The following FSTL4 variants were observed in gnomAD, a reference collection of about 807,000 sequenced individuals.
FSTL4 encodes follistatin like 4, also known as follistatin-related protein 4.
A neutral mutation model predicts 78.2 loss-of-function variants in FSTL4; 28 were observed. That is an observed-to-expected ratio of 0.36 (90% confidence interval 0.27 to 0.49). The LOEUF is 0.49. Among genes scored for constraint, FSTL4 ranks in the 20% least tolerant of loss-of-function variants. FSTL4 has a pLI of 0.98. For synonymous variants in FSTL4, 422 were observed against 440.5 expected (o/e 0.96, Z 0.53); for missense variants, 922 against 1,084.9 (o/e 0.85, Z 2.11).
At chr5:133,676,204 T>G in the FSTL4 span, among the ~76,000 whole-genome samples, 2 of 152,238 alleles carry the variant, frequency 1.3e-5, no homozygotes, top group African/African-American at 4.8e-5. Context: ...ATCTTAAGAA[T>G]TTTTAAAAAG....
the FSTL4 span, among the ~76,000 whole-genome samples, chr5:133,749,624 C>T: frequency 6.6e-6 from 1 of 152,212 alleles, no homozygotes; most frequent in Non-Finnish European, 1.5e-5. Context: ...TTGCCCTTTC[C>T]AAAGCCTCCC....
chr5:133,491,833 C>T (rs186479698), intron 3 of FSTL4, among the ~76,000 whole-genome samples: 75 of 152,252 alleles, frequency 4.9e-4, no homozygotes, highest in Non-Finnish European at 9.8e-4. Flanking sequence ...CTGAAAATTG[C>T]TATTGACTAA....
At chr5:133,665,746 T>C in the FSTL4 span, among the ~76,000 whole-genome samples, 1 of 152,202 alleles carries the variant, frequency 6.6e-6, no homozygotes, top group Non-Finnish European at 1.5e-5. Context: ...CTGGCTGACA[T>C]AGGGGTACAT....
At chr5:133,810,938 G>T in the FSTL4 span, among the ~76,000 whole-genome samples, 79 of 152,286 alleles carry the variant, frequency 5.2e-4, no homozygotes, top group African/African-American at 1.6e-3. Context: ...TATGCTTGCA[G>T]CTCGATTTTA....
intron 3 of FSTL4, among the ~76,000 whole-genome samples, chr5:133,425,702 C>T (rs1489183714): frequency 6.6e-6 from 1 of 152,170 alleles, no homozygotes; most frequent in East Asian, 1.9e-4. Flanking sequence ...AATTAATTCA[C>T]TCATTGAATA....
At chr5:133,331,173 G>A (rs1754337036) in intron 4 of FSTL4, among the ~76,000 whole-genome samples, 1 of 152,154 alleles carries the variant, frequency 6.6e-6, no homozygotes, top group Non-Finnish European at 1.5e-5. Flanking sequence ...CTCCAGAACT[G>A]GGCTCTCTCC....
At chr5:133,759,716 C>T in the FSTL4 span, among the ~76,000 whole-genome samples, 1 of 152,152 alleles carries the variant, frequency 6.6e-6, no homozygotes, top group Non-Finnish European at 1.5e-5. Flanking sequence ...GCTATTCATG[C>T]CGTGGGATAT....
chr5:133,445,716 C>A (rs889762179), intron 3 of FSTL4, among the ~76,000 whole-genome samples: 9 of 152,206 alleles, frequency 5.9e-5, no homozygotes, highest in Non-Finnish European at 1.5e-5. Context: ...AAAACGTGCA[C>A]AGGCCCTCCC....
intron 4 of FSTL4, among the ~76,000 whole-genome samples, chr5:133,343,099 G>A (rs1754619024): frequency 6.6e-6 from 1 of 152,194 alleles, no homozygotes; most frequent in Non-Finnish European, 1.5e-5. Context: ...TGTCGCACGG[G>A]TGATTATTGT....
rs1750269286 is a variant in FSTL4 at position 133,199,971 on chromosome 5, A to G, written c.1827-174T>C. ...GGATGTCTTCATAAACAAATAATCT[A>G]TGATCTCAATCCAAACGCAGTGGAG... On this transcript the variant is annotated intron_variant, in intron 15 of 15. Transcript: ENST00000265342. The surrounding 1 kb of genome is among the most constrained non-coding windows in gnomAD (Gnocchi z 4.4). 6.6e-6 allele frequency among the ~76,000 whole-genome samples: 1 copy of G among 152,226 alleles called. No homozygotes were observed. Among genetic ancestry groups the G allele is most frequent in the Admixed American group, 6.5e-5 (1 of 15,282 alleles).
rs187208971 is a variant in FSTL4, at chr5:133,453,873, A to G, written c.161-52887T>C. On this transcript the variant is annotated intron_variant, in intron 3 of 15. Coordinates refer to ENST00000265342, the MANE Select transcript of FSTL4 (RefSeq NM_015082.2). The stretch of plus-strand genomic sequence containing the variant: ...GCAGTGTTTTCACAGTCCTGAAAAC[A>G]TTACAGCATTTTTATATTTCCTAAG... 2.0e-5 allele frequency among the ~76,000 whole-genome samples: 3 copies of G among 152,380 alleles called. No individual in the cohort carries two copies. In the East Asian group the frequency reaches 5.8e-4, roughly 29 times the overall value.
the FSTL4 span, chr5:133,720,974 G>T: frequency 1.3e-5 from 2 of 152,294 alleles, no homozygotes; most frequent in South Asian, 2.1e-4. Context: ...AGATGAGCAA[G>T]CTTCATCTAG....
the FSTL4 span, among the ~76,000 whole-genome samples, chr5:133,630,581 T>C: frequency 3.3e-5 from 5 of 152,182 alleles, no homozygotes; most frequent in African/African-American, 7.2e-5. Flanking sequence ...AAGTAATTTA[T>C]AGATTCAATG....
upstream of FSTL4, among the ~76,000 whole-genome samples, chr5:133,614,413 T>C (rs994262079): frequency 6.6e-6 from 1 of 152,200 alleles, no homozygotes; most frequent in Non-Finnish European, 1.5e-5. Context: ...TATGGAATAT[T>C]CCTTAGAGAG....
intron 3 of FSTL4, among the ~76,000 whole-genome samples, chr5:133,421,697 C>T (rs554637153): frequency 1.3e-5 from 2 of 152,332 alleles, no homozygotes; most frequent in East Asian, 3.9e-4. Context: ...GCCCATCCCG[C>T]CACCTTGAAT....
chr5:133,796,051 C>G, the FSTL4 span, among the ~76,000 whole-genome samples: 1 of 152,262 alleles, frequency 6.6e-6, no homozygotes, highest in African/African-American at 2.4e-5. Flanking sequence ...ACCAGCCCCC[C>G]TCCCACTCCT....
intron 4 of FSTL4, among the ~76,000 whole-genome samples, chr5:133,352,322 A>G (rs1754846538): frequency 1.1e-5 from 1 of 87,884 alleles, no homozygotes; most frequent in African/African-American, 6.7e-5. Flanking sequence ...ACACACATAT[A>G]TATACACACA....
chr5:133,681,651 G>C, the FSTL4 span, among the ~76,000 whole-genome samples: 2 of 152,090 alleles, frequency 1.3e-5, no homozygotes, highest in African/African-American at 4.8e-5. Context: ...ATTACAAAAT[G>C]TGATTTTAGA....
chr5:133,358,226 A>C (rs1220387435), intron 4 of FSTL4, among the ~76,000 whole-genome samples: 1 of 152,184 alleles, frequency 6.6e-6, no homozygotes, highest in Non-Finnish European at 1.5e-5. Flanking sequence ...CTAGAGCCTT[A>C]ACTTCACCTG....
Sources: gnomAD v4.1 joint callset for allele counts (sites outside exome capture counted in the v4.1 genomes callset) on GRCh38, gnomAD v4.1.1 for gene constraint, Gnocchi (gnomAD v3.1) non-coding constraint, MANE v1.5 for transcripts, NCBI Gene and HGNC (gene_info 2026-07-23, HGNC 2026-07-21) for gene names.